Variants in CASZ1 observed in about 807,000 individuals in gnomAD.
The protein encoded by CASZ1 is zinc finger protein castor homolog 1.
In CASZ1, 28 loss-of-function variants were observed where a neutral mutation model predicts 135.2. The ratio of observed to expected loss-of-function variants is 0.21; its 90% CI spans 0.15 to 0.28. The LOEUF (loss-of-function observed/expected upper bound fraction) is 0.28. CASZ1 is among the 10% of genes least tolerant of loss of function. The pLI is 1.00. For missense variants in CASZ1, 2,161 were observed against 2,453.3 expected, an observed-to-expected ratio of 0.88 and a Z score of 2.52; for synonymous variants, 1,068 against 1,073.4, an observed-to-expected ratio of 0.99 and a Z score of 0.10.
At chr1:10,690,743 G>C (rs1239291493) in intron 4 of CASZ1, among the ~76,000 whole-genome samples, 2 of 152,214 alleles carry the variant, frequency 1.3e-5, no homozygotes, top group Non-Finnish European at 2.9e-5. Context: ...TGACCTTGTA[G>C]AGCCTATCTT....
At chr1:10,680,567 G>T (rs368085867) in intron 4 of CASZ1, among the ~76,000 whole-genome samples, 1 of 152,316 alleles carries the variant, frequency 6.6e-6, no homozygotes, top group African/African-American at 2.4e-5. Flanking sequence ...CAGCATTACT[G>T]TGTCACACTC....
intron 4 of CASZ1, among the ~76,000 whole-genome samples, chr1:10,672,843 C>T (rs562039673): frequency 3.3e-5 from 5 of 152,364 alleles, no homozygotes; most frequent in East Asian, 1.9e-4. Context: ...GCTCCAACTT[C>T]GGCGACGGTG....
chr1:10,743,627 AG>A (rs1410285041), intron 2 of CASZ1, among the ~76,000 whole-genome samples: 37 of 112,600 alleles, frequency 3.3e-4, no homozygotes, highest in African/African-American at 1.3e-3. Flanking sequence ...TATAAAAATA[AG>A]GAGGGAGGGA....
At position 10,647,985 on chromosome 1, in the gene CASZ1, G is replaced by T; in HGVS notation, c.3313C>A (p.Pro1105Thr). The T allele has an allele frequency of 6.2e-7, 1 of 1,606,456 alleles. No individual in the cohort carries two copies. Among genetic ancestry groups the T allele is most frequent in the Non-Finnish European group, 8.5e-7 (1 of 1,175,970 alleles). ...ATVSSLEGPA[P>T]SPASVPSTPT... ...GTGGAGGGCACGGAGGCCGGGCTGG[G>T]AGCGGGCCCCTCCAGAGAGGACACC... The change falls in exon 16 of 21, where the codon CCC becomes ACC. Residue 1105 changes from proline (P) to threonine (T), a missense_variant. By Grantham distance (38) the Pro-to-Thr change is conservative. Transcript: ENST00000377022. The surrounding 1 kb of genome is among the most constrained non-coding windows in gnomAD (Gnocchi z 4.9).
chr1:10,637,556 T>A lies in CASZ1; in HGVS notation c.*1386A>T, dbSNP rs1259076558. The A allele has an allele frequency of 6.6e-6, 1 of 152,200 alleles. No homozygotes were observed. The highest frequency in any genetic ancestry group is 1.5e-5 in the Non-Finnish European group (1 of 68,008). 9.4% of individuals were successfully genotyped at this position (152,200 alleles called of 1,614,324 possible). On this transcript the variant is annotated 3_prime_UTR_variant, in exon 21 of 21. Coordinates refer to ENST00000377022, the MANE Select transcript of CASZ1 (RefSeq NM_001079843.3). ...TCCATTCCCTCCTAGGCCTGTTCTC[T>A]CCCGGTGGCCCAATCTGACACCAGC...
Position 10,647,492 on chromosome 1 carries a change from T to G in CASZ1, c.3497+309A>C. 8.0e-6 allele frequency: 10 copies of G among 1,247,118 alleles called. No homozygotes were observed. The highest frequency in any genetic ancestry group is 1.5e-5 in the African/African-American group (1 of 64,740). The allele number at this position is 1,247,118 out of a possible 1,614,324, so 77.3% of individuals were successfully genotyped here. On this transcript the variant is annotated intron_variant, in intron 16 of 20. Coordinates refer to ENST00000377022, the MANE Select transcript of CASZ1 (RefSeq NM_001079843.3). The surrounding 1 kb of genome is among the most constrained non-coding windows in gnomAD (Gnocchi z 4.9). ...GCAGCCCTCCTTGTCAGGCTGGGAGTTGTCCTCTGAGGACCACCACGCCCA... is the reference window on the plus strand; with the variant it reads ...GCAGCCCTCCTTGTCAGGCTGGGAGGTGTCCTCTGAGGACCACCACGCCCA...
Position 10,639,559 on chromosome 1 carries a change from C to T in CASZ1, c.4663G>A (p.Ala1555Thr). Residue 1555 changes from alanine (A) to threonine (T), a missense_variant, in exon 21 of 21, where the codon GCC becomes ACC. This residue lies in a region of CASZ1 where 240 missense variants were observed against 321.4 expected (regional missense o/e 0.75). Coordinates refer to ENST00000377022, the MANE Select transcript of CASZ1 (RefSeq NM_001079843.3). This position sits in a 1 kb window ranked among gnomAD's most constrained non-coding sequence, Gnocchi z 4.0. ...AAGFCQFSSSADCAVPDCKYK... is the reference protein window; with the variant it reads ...AAGFCQFSSSTDCAVPDCKYK... ...TTGCAGTCGGGCACGGCGCAGTCGGCGCTGGAGCTGAACTGGCAGAAGCCC... is the reference window on the plus strand; with the variant it reads ...TTGCAGTCGGGCACGGCGCAGTCGGTGCTGGAGCTGAACTGGCAGAAGCCC... The T allele has an allele frequency of 6.2e-7, 1 of 1,611,136 alleles. No individual in the cohort carries two copies. The highest frequency in any genetic ancestry group is 8.5e-7 in the Non-Finnish European group (1 of 1,178,796).
At chr1:10,743,826 A>G (rs1191315102) in intron 2 of CASZ1, among the ~76,000 whole-genome samples, 1 of 138,094 alleles carries the variant, frequency 7.2e-6, no homozygotes. Flanking sequence ...GCAGAGAGCA[A>G]GAAGCGAGGG....
At chr1:10,705,291 C>A (rs115648847) in intron 3 of CASZ1, among the ~76,000 whole-genome samples, 10 of 152,336 alleles carry the variant, frequency 6.6e-5, no homozygotes, top group Admixed American at 1.3e-4. Flanking sequence ...AAAGCCAAAC[C>A]GAGGGGATCC....
rs180751982 is a variant in CASZ1 at position 10,732,141 on chromosome 1, G to A, written c.-76-26597C>T. Reference sequence around the variant, plus strand: ...GGAGTTCGAGACCAGCCTGGCCAACGTAGTGAAACTCAGTCTCTACTAAAA... The same window carrying A: ...GGAGTTCGAGACCAGCCTGGCCAACATAGTGAAACTCAGTCTCTACTAAAA... On this transcript the variant is annotated intron_variant, in intron 2 of 20. Coordinates refer to ENST00000377022, the MANE Select transcript of CASZ1 (RefSeq NM_001079843.3). Among the ~76,000 whole-genome samples, 176 of 151,694 alleles carry A rather than the reference G, an allele frequency of 1.2e-3. 1 individual carries two copies. The East Asian group carries it at 0.022, about 19-fold the overall frequency.
chr1:10,698,680 C>G (rs1638995359), intron 3 of CASZ1, among the ~76,000 whole-genome samples: 1 of 152,112 alleles, frequency 6.6e-6, no homozygotes, highest in South Asian at 2.1e-4. Context: ...GCCAAGGGGC[C>G]AAGGAGGGTC....
intron 3 of CASZ1, chr1:10,704,677 G>T (rs1242113301): frequency 6.6e-6 from 1 of 152,336 alleles, no homozygotes; most frequent in Non-Finnish European, 1.5e-5. Context: ...GCACGGTGCC[G>T]TGTCTGTCCC....
At chr1:10,683,294 T>G (rs985254861) in intron 4 of CASZ1, among the ~76,000 whole-genome samples, 1 of 152,024 alleles carries the variant, frequency 6.6e-6, no homozygotes, top group Non-Finnish European at 1.5e-5. Flanking sequence ...TGGTCTACAC[T>G]GGGAAAGAAG....
At chr1:10,758,335 T>C (rs1222998714) in intron 2 of CASZ1, among the ~76,000 whole-genome samples, 3 of 148,842 alleles carry the variant, frequency 2.0e-5, no homozygotes, top group South Asian at 2.2e-4. Flanking sequence ...TCTCTTTTTT[T>C]TTTTTTTTTT....
rs1168121968 is a variant in CASZ1 at position 10,665,398 on chromosome 1, G to C, written c.190C>G (p.Gln64Glu). ...TEGSPSQPRDQERSGPESGAA... is the reference protein window; with the variant it reads ...TEGSPSQPRDEERSGPESGAA... Reference sequence around the variant, plus strand: ...CCAGACTCAGGGCCACTGCGCTCTTGGTCCCGGGGCTGCGATGGGCTGCCC... The same window carrying C: ...CCAGACTCAGGGCCACTGCGCTCTTCGTCCCGGGGCTGCGATGGGCTGCCC... The change falls in exon 5 of 21, where the codon CAA becomes GAA. Residue 64 changes from glutamine to glutamate, a missense_variant. This residue lies in a region of CASZ1 where 590 missense variants were observed against 609.8 expected (regional missense o/e 0.97). Coordinates refer to ENST00000377022, the MANE Select transcript of CASZ1 (RefSeq NM_001079843.3). 4 of 1,612,898 alleles carry C rather than the reference G, an allele frequency of 2.5e-6. No individual in the cohort carries two copies. Among genetic ancestry groups the C allele is most frequent in the Non-Finnish European group, 3.4e-6 (4 of 1,179,552 alleles).
intron 1 of CASZ1, among the ~76,000 whole-genome samples, chr1:10,781,670 T>A (rs186030831): frequency 7.4e-4 from 113 of 152,318 alleles, no homozygotes; most frequent in African/African-American, 2.7e-3. Context: ...CAGGGAGCCC[T>A]CTGCCTTACT....
intron 3 of CASZ1, among the ~76,000 whole-genome samples, chr1:10,698,528 T>A (rs1466072443): frequency 2.0e-5 from 3 of 151,064 alleles, no homozygotes; most frequent in African/African-American, 7.4e-5. Flanking sequence ...ACCAAAAAAA[T>A]TGCACATCCT....
At position 10,636,976 on chromosome 1, in the gene CASZ1, G is replaced by A. The variant is rs1642014101; in HGVS notation, c.*1966C>T. On this transcript the variant is annotated 3_prime_UTR_variant, in exon 21 of 21. Coordinates refer to ENST00000377022, the MANE Select transcript of CASZ1 (RefSeq NM_001079843.3). The stretch of plus-strand genomic sequence containing the variant: ...ATTAAAAAGAGCATTGGTGGATCAA[G>A]CATTGTTTCCCCACAGAAAGAAAAT... The A allele has an allele frequency of 6.6e-6, 1 of 152,308 alleles. No homozygotes were observed. Among genetic ancestry groups the A allele is most frequent in the African/African-American group, 2.4e-5 (1 of 41,410 alleles). 9.4% of individuals were successfully genotyped at this position (152,308 alleles called of 1,614,324 possible).
Position 10,693,981 on chromosome 1 carries a change from G to A in CASZ1, c.-23-69C>T, listed in dbSNP as rs1638850157. The stretch of plus-strand genomic sequence containing the variant: ...CGGGGTTAGCGTCTCGCGGGACCCC[G>A]GCCGCCCGCCCTGCTTGTCCCCCGC... On this transcript the variant is annotated intron_variant, in intron 3 of 20. Transcript: ENST00000377022. 4 of 1,478,650 alleles carry A rather than the reference G, an allele frequency of 2.7e-6. No individual in the cohort carries two copies. In the African/African-American group the frequency reaches 4.3e-5, roughly 16 times the overall value. 91.6% of individuals were successfully genotyped at this position (1,478,650 alleles called of 1,614,324 possible). A position where few individuals can be genotyped will look rare whatever the true frequency, so the allele number is the denominator to read the frequency against.
Sources: gnomAD v4.1 joint callset for allele counts (sites outside exome capture counted in the v4.1 genomes callset) on GRCh38, gnomAD v4.1.1 for gene constraint, gnomAD v4.1.1 regional missense constraint, Gnocchi (gnomAD v3.1) non-coding constraint, MANE v1.5 for transcripts, NCBI Gene and HGNC (gene_info 2026-07-23, HGNC 2026-07-21) for gene names.